The following PDIA2 variants were observed in gnomAD, a reference collection of about 807,000 sequenced individuals.
The protein encoded by PDIA2 is protein disulfide isomerase family A member 2.
PDIA2 carries 76 observed loss-of-function variants against 51.1 expected under a neutral mutation model. That is an observed-to-expected ratio of 1.49 (90% CI 1.24 to 1.80). PDIA2 has a LOEUF of 1.80. Ranked by LOEUF, PDIA2 falls within the 40% of genes most tolerant of loss-of-function variation. The pLI, the probability that PDIA2 is intolerant of heterozygous loss-of-function variation, is 0.00. For synonymous variants in PDIA2, 429 were observed against 309.9 expected (o/e 1.38, Z -4.04); for missense variants, 946 against 706.5 (o/e 1.34, Z -3.84).
chr16:283,525 C>T (rs998039303), intron 1 of PDIA2, among the ~76,000 whole-genome samples, 157 bp downstream of exon 1: 2 of 152,202 alleles, frequency 1.3e-5, no homozygotes, highest in Non-Finnish European at 2.9e-5. Context: ...CTAGGAGGGG[C>T]CTGGGGGTCT....
intron 7 of PDIA2, among the ~76,000 whole-genome samples, chr16:285,928 CA>C: frequency 1.8e-5 from 1 of 55,856 alleles, no homozygotes; most frequent in South Asian, 4.3e-4. Context: ...GCGGTTCTCC[CA>C]ACCCCAACCC....
intron 1 of PDIA2, among the ~76,000 whole-genome samples, chr16:283,925 C>T (rs955311878): frequency 2.6e-5 from 4 of 152,168 alleles, no homozygotes; most frequent in African/African-American, 9.7e-5. Flanking sequence ...AGTGCAGTGG[C>T]CCTATCTCGG....
rs868524961 is a variant in PDIA2 at position 285,894 on chromosome 16, C to T, written c.1119+191C>T. Among the ~76,000 whole-genome samples the T allele has an allele frequency of 7.2e-5, 7 of 97,304 alleles. 1 individual carries two copies. The highest frequency in any genetic ancestry group is 2.4e-4 in the East Asian group (1 of 4,238). The allele number at this position is 97,304 out of a possible 152,430, so 63.8% of individuals were successfully genotyped here. A position where few individuals can be genotyped will look rare whatever the true frequency, so the allele number is the denominator to read the frequency against. Reference sequence around the variant, plus strand: ...CCGGCGGTTCTCCCAACCCCAAACCCGCGGTTCTCCCAACCCCAACCCCGC... The same window carrying T: ...CCGGCGGTTCTCCCAACCCCAAACCTGCGGTTCTCCCAACCCCAACCCCGC... On this transcript the variant is annotated intron_variant, in intron 7 of 10. Transcript: ENST00000219406.
chr16:283,760 G>A (rs114926267), intron 1 of PDIA2, among the ~76,000 whole-genome samples: 3,255 of 152,292 alleles, frequency 0.021, 104 homozygotes, highest in African/African-American at 0.074. Flanking sequence ...TGGTCTTTTC[G>A]CAACCCTTGA....
chr16:285,100 C>T lies in PDIA2; in HGVS notation c.695C>T (p.Ala232Val), dbSNP rs2052336124. ...GCTGTCCAGTTTGATGAGGGGCGGG[C>T]AGACTTCCCCGTGGACGAGGAGCTT... ...VLFKKFDEGR[A>V]DFPVDEELGL... is the part of the protein sequence containing the mutation. Residue 232 changes from alanine to valine, a missense_variant, in exon 5 of 11, where the codon GCA becomes GTA. Coordinates refer to ENST00000219406, the MANE Select transcript of PDIA2 (RefSeq NM_006849.4). 3 of 1,613,002 alleles carry T rather than the reference C, an allele frequency of 1.9e-6. No homozygotes were observed. In the South Asian group the frequency reaches 3.3e-5, roughly 18 times the overall value.
In PDIA2 at chr16:283,510, G is replaced by A. The variant is rs2052313489; in HGVS notation, c.199+142G>A. On this transcript the variant is annotated intron_variant, in intron 1 of 10. Transcript: ENST00000219406. Reference sequence around the variant, plus strand: ...GCACTTGCCCCCACTGTGCCCAGGAGCTCTCTAGGAGGGGCCTGGGGGTCT... The same window carrying A: ...GCACTTGCCCCCACTGTGCCCAGGAACTCTCTAGGAGGGGCCTGGGGGTCT... The A allele has an allele frequency of 7.6e-6, 7 of 915,862 alleles. No homozygotes were observed. In the East Asian group the frequency reaches 1.7e-4, roughly 22 times the overall value. The allele number at this position is 915,862 out of a possible 1,614,324, so 56.7% of individuals were successfully genotyped here.
chr16:285,756 G>T lies in PDIA2; in HGVS notation c.1119+53G>T, dbSNP rs1362265352. ...GGGGAACCCTGACCTCATCCCACCA[G>T]CTTGGCAGGGGGTGGGAACAGCAGC... On this transcript the variant is annotated intron_variant, in intron 7 of 10. Transcript: ENST00000219406. 13 of 1,564,618 alleles carry T rather than the reference G, an allele frequency of 8.3e-6. No homozygotes were observed. The Admixed American group carries it at 2.4e-4, about 29-fold the overall frequency.
chr16:285,594 G>T lies in PDIA2; in HGVS notation c.1010G>T (p.Arg337Leu). The change falls in exon 7 of 11, where the codon CGC (arginine) becomes CTC (leucine). Residue 337 changes from arginine (R) to leucine (L), a missense_variant. Coordinates refer to ENST00000219406, the MANE Select transcript of PDIA2 (RefSeq NM_006849.4). ...GLKAEAAPTL[R>L]LVNLETTKKY... ...AAGGCTGAGGCAGCCCCCACTCTGCGCTTGGTCAACCTTGAAACCACTAAG... is the reference window on the plus strand; with the variant it reads ...AAGGCTGAGGCAGCCCCCACTCTGCTCTTGGTCAACCTTGAAACCACTAAG... 1 of 1,613,162 alleles carries T rather than the reference G, an allele frequency of 6.2e-7. No homozygotes were observed. The highest frequency in any genetic ancestry group is 8.5e-7 in the Non-Finnish European group (1 of 1,179,966).
chr16:284,779 T>C lies in PDIA2; in HGVS notation c.527T>C (p.Ile176Thr). ...ATCGGTGGCCGGGACCTAGTGGTCA[T>C]TGGCTTCTTCCAGGTGAGCCACTGG... ...ALIGGRDLVV[I>T]GFFQDLQDED... The change falls in exon 3 of 11, where the codon ATT becomes ACT. Residue 176 changes from isoleucine to threonine, a missense_variant. Physicochemically the swap from Ile to Thr is moderately conservative, Grantham distance 89. Transcript: ENST00000219406. The C allele has an allele frequency of 6.4e-7, 1 of 1,570,146 alleles. No individual in the cohort carries two copies. The highest frequency in any genetic ancestry group is 8.6e-7 in the Non-Finnish European group (1 of 1,161,792).
rs763185526 is a variant in PDIA2 at position 287,108 on chromosome 16, C to A, written c.1573C>A (p.Leu525Met). The change falls in exon 11 of 11, where the codon CTG (leucine) becomes ATG (methionine). Residue 525 changes from leucine to methionine, a missense_variant. By Grantham distance (15) the Leu-to-Met change is conservative (BLOSUM62 2). Coordinates refer to ENST00000219406, the MANE Select transcript of PDIA2 (RefSeq NM_006849.4). Reference protein sequence around the residue: ...ANSTMGSKEEL With the variant: ...ANSTMGSKEEM ...CTCCACTATGGGGTCCAAGGAGGAA[C>A]TGTAGCTGCCCCCGTGTCACCCCCG... 1 of 1,612,778 alleles carries A rather than the reference C, an allele frequency of 6.2e-7. No homozygotes were observed.
Position 285,609 on chromosome 16 carries a change from A to T in PDIA2, c.1025A>T (p.Glu342Val). ...AAPTLRLVNL[E>V]TTKKYAPVDG... ...CCCACTCTGCGCTTGGTCAACCTTG[A>T]AACCACTAAGAAGTATGCGCCTGTG... The change falls in exon 7 of 11, where the codon GAA becomes GTA. Residue 342 changes from glutamate to valine, a missense_variant. Physicochemically the swap from Glu to Val is moderately radical, Grantham distance 121. Transcript: ENST00000219406. The T allele has an allele frequency of 6.2e-7, 1 of 1,613,304 alleles. No individual in the cohort carries two copies.
chr16:284,556 C>G lies in PDIA2; in HGVS notation c.369C>G (p.Phe123Leu). 1 of 1,612,736 alleles carries G rather than the reference C, an allele frequency of 6.2e-7. No homozygotes were observed. Among genetic ancestry groups the G allele is most frequent in the Non-Finnish European group, 8.5e-7 (1 of 1,179,762 alleles). ...GVTEYPTLKF[F>L]RNGNRTHPEE... is the part of the protein sequence containing the mutation. Reference sequence around the variant, plus strand: ...CGGAGTACCCTACGCTCAAGTTCTTCCGCAATGGGAACCGCACGCACCCGG... The same window carrying G: ...CGGAGTACCCTACGCTCAAGTTCTTGCGCAATGGGAACCGCACGCACCCGG... The change falls in exon 2 of 11, where the codon TTC becomes TTG. Residue 123 changes from phenylalanine (F) to leucine (L), a missense_variant. Coordinates refer to ENST00000219406, the MANE Select transcript of PDIA2 (RefSeq NM_006849.4).
chr16:284,783 C>T lies in PDIA2; in HGVS notation c.531C>T (p.Gly177=). The change falls in exon 3 of 11, where the codon GGC becomes GGT. Residue 177 remains glycine, a synonymous_variant. Transcript: ENST00000219406. ...LIGGRDLVVI[G]FFQDLQDEDV... ...GTGGCCGGGACCTAGTGGTCATTGG[C>T]TTCTTCCAGGTGAGCCACTGGGCAT... The T allele has an allele frequency of 6.4e-7, 1 of 1,571,074 alleles. No homozygotes were observed. Among genetic ancestry groups the T allele is most frequent in the Non-Finnish European group, 8.6e-7 (1 of 1,162,122 alleles).
chr16:283,372 AGTGCTGGGGCCAGTG>A lies in PDIA2; in HGVS notation c.199+6_199+20del. 4 of 1,587,978 alleles carry A rather than the reference AGTGCTGGGGCCAGTG, an allele frequency of 2.5e-6. No homozygotes were observed. The South Asian group carries it at 3.4e-5, about 14-fold the overall frequency. On this transcript the variant is annotated splice_donor_5th_base_variant and intron_variant, in intron 1 of 10. Transcript: ENST00000219406. The stretch of plus-strand genomic sequence containing the variant: ...CCTGCCCTGCTGGTGGAATTCTGTG[AGTGCTGGGGCCAGTG>A]GGGCTGGGGACCGGCGGGGGACCGG...
chr16:286,784 G>A (rs764173830), intron 9 of PDIA2, 49 bp downstream of exon 9: 1 of 1,612,258 alleles, frequency 6.2e-7, no homozygotes, highest in Non-Finnish European at 8.5e-7. Flanking sequence ...CATCTTGCTG[G>A]GCATGGGGCT....
chr16:284,751 C>T lies in PDIA2; in HGVS notation c.499C>T (p.Leu167=). Residue 167 remains leucine (L), a synonymous_variant, in exon 3 of 11, where the codon CTG becomes TTG. Transcript: ENST00000219406. The part of the protein sequence containing the change: ...RLEDEAAAQA[L]IGGRDLVVIG... Reference sequence around the variant, plus strand: ...GGAGGACGAGGCGGCCGCCCAGGCGCTGATCGGTGGCCGGGACCTAGTGGT... The same window carrying T: ...GGAGGACGAGGCGGCCGCCCAGGCGTTGATCGGTGGCCGGGACCTAGTGGT... 6.4e-7 allele frequency: 1 copy of T among 1,563,938 alleles called. No individual in the cohort carries two copies. The highest frequency in any genetic ancestry group is 1.3e-5 in the African/African-American group (1 of 74,446).
rs764457568 is a variant in PDIA2, at chr16:284,691, C to CTGCGACGGCGGGTGGGGCCCAGTGCCA, written c.444_470dup (p.Arg149_Arg157dup). Reference sequence around the variant, plus strand: ...GGACGCTGAGGGCATTGCCGAGTGGCTGCGACGGCGGGTGGGGCCCAGTGC... The same window carrying CTGCGACGGCGGGTGGGGCCCAGTGCCA: ...GGACGCTGAGGGCATTGCCGAGTGGCTGCGACGGCGGGTGGGGCCCAGTGCCATGCGACGGCGGGTGGGGCCCAGTGC... On this transcript the variant is annotated inframe_insertion, in exon 3 of 11. Coordinates refer to ENST00000219406, the MANE Select transcript of PDIA2 (RefSeq NM_006849.4). The CTGCGACGGCGGGTGGGGCCCAGTGCCA allele has an allele frequency of 1.7e-5, 27 of 1,585,814 alleles. No individual in the cohort carries two copies. The South Asian group carries it at 2.8e-4, about 16-fold the overall frequency.
chr16:285,138 G>C lies in PDIA2; in HGVS notation c.733G>C (p.Gly245Arg). The C allele has an allele frequency of 6.2e-7, 1 of 1,613,088 alleles. No homozygotes were observed. Among genetic ancestry groups the C allele is most frequent in the Admixed American group, 1.7e-5 (1 of 60,022 alleles). The change falls in exon 5 of 11, where the codon GGG (glycine) becomes CGG (arginine). Residue 245 changes from glycine to arginine, a missense_variant. Coordinates refer to ENST00000219406, the MANE Select transcript of PDIA2 (RefSeq NM_006849.4). ...GGACGAGGAGCTTGGCCTGGACCTG[G>C]GGGATCTGTCGCGCTTCCTGGTCAC... is the stretch of plus-strand genomic sequence containing the variant. ...PVDEELGLDL[G>R]DLSRFLVTHS...
rs746140719 is a variant in PDIA2, at chr16:285,637, TG to T, written c.1058del (p.Gly353AlafsTer25). 9 of 1,613,166 alleles carry T rather than the reference TG, an allele frequency of 5.6e-6. No homozygotes were observed. Among genetic ancestry groups the T allele is most frequent in the Non-Finnish European group, 7.6e-6 (9 of 1,179,958 alleles). ...CCACTAAGAAGTATGCGCCTGTGGA[TG>T]GGGGCCCTGTCACCGCAGCGTCCAT... ...ETTKKYAPVD[G>X]GPVTAASITA... On this transcript the variant is annotated frameshift_variant, in exon 7 of 11. Coordinates refer to ENST00000219406, the MANE Select transcript of PDIA2 (RefSeq NM_006849.4). LOFTEE classifies it high-confidence loss of function.
Sources: gnomAD v4.1 joint callset for allele counts (sites outside exome capture counted in the v4.1 genomes callset) on GRCh38, gnomAD v4.1.1 for gene constraint, MANE v1.5 for transcripts, NCBI Gene and HGNC (gene_info 2026-07-23, HGNC 2026-07-21) for gene names.